Variants in WTIP observed in about 807,000 individuals in gnomAD.
WTIP encodes the protein Wilms tumor protein 1-interacting protein.
In WTIP, 23 loss-of-function variants were observed where a neutral mutation model predicts 41.7. The ratio of observed to expected loss-of-function variants is 0.55; its 90% CI spans 0.40 to 0.78. WTIP has a LOEUF of 0.78. WTIP is among the 30% of genes least tolerant of loss of function. WTIP has a pLI of 0.00. For missense variants in WTIP, 619 were observed against 610.5 expected, an observed-to-expected ratio of 1.01 and a Z score of -0.15; for synonymous variants, 314 against 269.9, an observed-to-expected ratio of 1.16 and a Z score of -1.60.
chr19:34,482,324 G>C lies in WTIP; in HGVS notation c.350G>C (p.Arg117Pro). The change falls in exon 1 of 8, where the codon CGC becomes CCC. Residue 117 changes from arginine to proline, a missense_variant. Coordinates refer to ENST00000590071, the MANE Select transcript of WTIP (RefSeq NM_001080436.2). ...GGCATCAGCCTGGGCTACGACCAGC[G>C]CCACGGCAGCCCGCGCTCCGGTCGC... ...SSGISLGYDQ[R>P]HGSPRSGRSD... The C allele has an allele frequency of 7.2e-7, 1 of 1,383,324 alleles. No homozygotes were observed. Among genetic ancestry groups the C allele is most frequent in the Non-Finnish European group, 9.4e-7 (1 of 1,062,456 alleles). 85.7% of individuals were successfully genotyped at this position (1,383,324 alleles called of 1,614,324 possible). A position where few individuals can be genotyped will look rare whatever the true frequency, so the allele number is the denominator to read the frequency against.
In WTIP at chr19:34,509,761, G is replaced by T. The variant is rs987028881; in HGVS notation, c.*9492G>T. ...TTAGTTACTTCCTAGATACAATGGG[G>T]GTACAGGTATTGGGTGAATACGGCC... On this transcript the variant is annotated 3_prime_UTR_variant, in exon 8 of 8. Transcript: ENST00000590071. The T allele has an allele frequency of 2.0e-5, 3 of 152,184 alleles. No homozygotes were observed. Among genetic ancestry groups the T allele is most frequent in the African/African-American group, 7.2e-5 (3 of 41,432 alleles). The allele number at this position is 152,184 out of a possible 1,614,324, so 9.4% of individuals were successfully genotyped here. A position where few individuals can be genotyped will look rare whatever the true frequency, so the allele number is the denominator to read the frequency against.
intron 6 of WTIP, among the ~76,000 whole-genome samples, chr19:34,495,312 G>T (rs2075847122): frequency 6.6e-6 from 1 of 152,222 alleles, no homozygotes; most frequent in Admixed American, 6.5e-5. Context: ...CAGGAGGATT[G>T]CTTGAGCCCA....
chr19:34,483,917 C>CTT lies in WTIP; in HGVS notation c.667+1303_667+1304dup, dbSNP rs61308943. On this transcript the variant is annotated intron_variant, in intron 1 of 7. Coordinates refer to ENST00000590071, the MANE Select transcript of WTIP (RefSeq NM_001080436.2). ...AGCTCACGGCTGCCCTGAACTGGAT[C>CTT]TTTTTTTTTTTTTTTTTTTTTTTTT... is the stretch of plus-strand genomic sequence containing the variant. Among the ~76,000 whole-genome samples, 97 of 66,874 alleles carry CTT rather than the reference C, an allele frequency of 1.5e-3. 7 individuals carry two copies. The highest frequency in any genetic ancestry group is 2.1e-3 in the Admixed American group (10 of 4,838). 43.9% of individuals were successfully genotyped at this position (66,874 alleles called of 152,430 possible). A position where few individuals can be genotyped will look rare whatever the true frequency, so the allele number is the denominator to read the frequency against.
chr19:34,510,311 G>T lies in WTIP; in HGVS notation c.*10042G>T, dbSNP rs79658079. ...ATTCTTGACTTCTGTACACCCGCAG[G>T]CTCAACACCACATGGTAGCTGCCAA... On this transcript the variant is annotated 3_prime_UTR_variant, in exon 8 of 8. Coordinates refer to ENST00000590071, the MANE Select transcript of WTIP (RefSeq NM_001080436.2). 6.6e-6 allele frequency: 1 copy of T among 152,154 alleles called. No homozygotes were observed. The highest frequency in any genetic ancestry group is 2.4e-5 in the African/African-American group (1 of 41,428). 9.4% of individuals were successfully genotyped at this position (152,154 alleles called of 1,614,324 possible).
intron 1 of WTIP, among the ~76,000 whole-genome samples, chr19:34,486,879 C>T (rs1438767494): frequency 6.6e-6 from 1 of 152,058 alleles, no homozygotes; most frequent in Non-Finnish European, 1.5e-5. Context: ...CAACCTCCAC[C>T]TCCTGCACCT....
At position 34,503,329 on chromosome 19, in the gene WTIP, T is replaced by C. The variant is rs1386434222; in HGVS notation, c.*3060T>C. 1 of 152,138 alleles carries C rather than the reference T, an allele frequency of 6.6e-6. No individual in the cohort carries two copies. The highest frequency in any genetic ancestry group is 1.5e-5 in the Non-Finnish European group (1 of 68,036). The allele number at this position is 152,138 out of a possible 1,614,324, so 9.4% of individuals were successfully genotyped here. A position where few individuals can be genotyped will look rare whatever the true frequency, so the allele number is the denominator to read the frequency against. On this transcript the variant is annotated 3_prime_UTR_variant, in exon 8 of 8. Coordinates refer to ENST00000590071, the MANE Select transcript of WTIP (RefSeq NM_001080436.2). ...GAGCCACTCTCCCGGGGTTTCTTCC[T>C]CTATGAAGAAACCTTGGCCTCTATG... is the stretch of plus-strand genomic sequence containing the variant.
intron 7 of WTIP, among the ~76,000 whole-genome samples, chr19:34,498,782 C>T (rs1211885945): frequency 1.3e-5 from 2 of 152,140 alleles, no homozygotes; most frequent in Admixed American, 6.6e-5. Context: ...CGCCTGTAGT[C>T]CCAGCTACTC....
intron 6 of WTIP, 37 bp from the exon 7 acceptor site, chr19:34,495,666 C>G: frequency 1.2e-6 from 2 of 1,611,974 alleles, no homozygotes; most frequent in Non-Finnish European, 1.7e-6. Flanking sequence ...CCAGTCCCCA[C>G]ATGCTCATCG....
chr19:34,493,839 A>T lies in WTIP; in HGVS notation c.1031+217A>T, dbSNP rs1052970522. On this transcript the variant is annotated intron_variant, in intron 5 of 7. Coordinates refer to ENST00000590071, the MANE Select transcript of WTIP (RefSeq NM_001080436.2). The surrounding 1 kb of genome is among the most constrained non-coding windows in gnomAD (Gnocchi z 4.1). ...GCTGTCTTTTGCCTCTTCTCTCCCT[A>T]TCGTGGCCTGCATGCTTCTCTACTC... Among the ~76,000 whole-genome samples the T allele has an allele frequency of 6.6e-6, 1 of 150,984 alleles. No homozygotes were observed. The highest frequency in any genetic ancestry group is 1.5e-5 in the Non-Finnish European group (1 of 67,772).
chr19:34,494,286 G>A (rs978575286), intron 5 of WTIP, among the ~76,000 whole-genome samples: 1 of 152,152 alleles, frequency 6.6e-6, no homozygotes, highest in African/African-American at 2.4e-5. Flanking sequence ...GGGCATGGTG[G>A]CTCATGCCTG....
At position 34,493,213 on chromosome 19, in the gene WTIP, G is replaced by T. The variant is rs745569633; in HGVS notation, c.838-50G>T. On this transcript the variant is annotated intron_variant, in intron 3 of 7. Coordinates refer to ENST00000590071, the MANE Select transcript of WTIP (RefSeq NM_001080436.2). The surrounding 1 kb of genome is among the most constrained non-coding windows in gnomAD (Gnocchi z 4.1). The stretch of plus-strand genomic sequence containing the variant: ...CCAGGAGGCAGGTGCTAGCTGGGCC[G>T]CGAGTGCCCCTTTGTCACACAATGT... 1.9e-6 allele frequency: 3 copies of T among 1,612,732 alleles called. No individual in the cohort carries two copies. Among genetic ancestry groups the T allele is most frequent in the Non-Finnish European group, 2.5e-6 (3 of 1,178,960 alleles).
rs1447948157 is a variant in WTIP at position 34,488,917 on chromosome 19, G to A, written c.668-1459G>A. 2.1e-5 allele frequency among the ~76,000 whole-genome samples: 3 copies of A among 140,878 alleles called. No individual in the cohort carries two copies. The East Asian group carries it at 6.3e-4, about 30-fold the overall frequency. The allele number at this position is 140,878 out of a possible 152,430, so 92.4% of individuals were successfully genotyped here. A position where few individuals can be genotyped will look rare whatever the true frequency, so the allele number is the denominator to read the frequency against. ...GACTCTCCTAAAAAAAAAAAAAAAG[G>A]CCGGGAGCAGTGGCTCACACCTGTA... On this transcript the variant is annotated intron_variant, in intron 1 of 7. Transcript: ENST00000590071.
At chr19:34,497,901 C>T (rs533084515) in intron 7 of WTIP, among the ~76,000 whole-genome samples, 115 of 152,318 alleles carry the variant, frequency 7.5e-4, no homozygotes, top group African/African-American at 2.6e-3. Context: ...GCAGATTGTC[C>T]AGTACCGAGG....
intron 2 of WTIP, 55 bp downstream of exon 2, chr19:34,490,532 C>T: frequency 1.9e-6 from 3 of 1,542,380 alleles, no homozygotes; most frequent in Non-Finnish European, 2.7e-6. Flanking sequence ...CACATCATCC[C>T]CATTCCCCTC....
rs1170226609 is a variant in WTIP, at chr19:34,504,162, C to G, written c.*3893C>G. 2 of 151,126 alleles carry G rather than the reference C, an allele frequency of 1.3e-5. No homozygotes were observed. The highest frequency in any genetic ancestry group is 4.9e-5 in the African/African-American group (2 of 41,042). The allele number at this position is 151,126 out of a possible 1,614,324, so 9.4% of individuals were successfully genotyped here. On this transcript the variant is annotated 3_prime_UTR_variant, in exon 8 of 8. Transcript: ENST00000590071. ...GGTGGGAGGTGGAGTGGGAGAGAGACCTGTTGTTTAAGAGGGAGACTGAGT... is the reference window on the plus strand; with the variant it reads ...GGTGGGAGGTGGAGTGGGAGAGAGAGCTGTTGTTTAAGAGGGAGACTGAGT...
rs1237891356 is a variant in WTIP at position 34,506,837 on chromosome 19, A to G, written c.*6568A>G. The G allele has an allele frequency of 6.6e-6, 1 of 152,158 alleles. No individual in the cohort carries two copies. The highest frequency in any genetic ancestry group is 2.4e-5 in the African/African-American group (1 of 41,444). The allele number at this position is 152,158 out of a possible 1,614,324, so 9.4% of individuals were successfully genotyped here. A position where few individuals can be genotyped will look rare whatever the true frequency, so the allele number is the denominator to read the frequency against. Reference sequence around the variant, plus strand: ...CTGGTTAAAAATTGAGTCTCCCTGAAGTAGGTGCTCTTTCCCGTGAAAACT... The same window carrying G: ...CTGGTTAAAAATTGAGTCTCCCTGAGGTAGGTGCTCTTTCCCGTGAAAACT... On this transcript the variant is annotated 3_prime_UTR_variant, in exon 8 of 8. Transcript: ENST00000590071.
intron 1 of WTIP, among the ~76,000 whole-genome samples, chr19:34,488,248 G>A (rs1440101986): frequency 6.6e-6 from 1 of 151,854 alleles, no homozygotes; most frequent in African/African-American, 2.4e-5. Context: ...GCTAATTTTT[G>A]TATCTTTAGT....
intron 7 of WTIP, among the ~76,000 whole-genome samples, chr19:34,499,647 A>G (rs2075873732): frequency 6.6e-6 from 1 of 151,754 alleles, no homozygotes; most frequent in Non-Finnish European, 1.5e-5. Flanking sequence ...AGGCAGCTCC[A>G]GTCTCCAGTG....
At chr19:34,491,659 T>A (rs2075825781) in intron 2 of WTIP, among the ~76,000 whole-genome samples, 1 of 151,318 alleles carries the variant, frequency 6.6e-6, no homozygotes, top group South Asian at 2.1e-4. Flanking sequence ...CCCCCACTTG[T>A]TTTTTGAGAC....
Sources: gnomAD v4.1 joint callset for allele counts (sites outside exome capture counted in the v4.1 genomes callset) on GRCh38, gnomAD v4.1.1 for gene constraint, Gnocchi (gnomAD v3.1) non-coding constraint, MANE v1.5 for transcripts, NCBI Gene and HGNC (gene_info 2026-07-23, HGNC 2026-07-21) for gene names.